The following FETUB variants were observed in gnomAD, a reference collection of about 807,000 sequenced individuals.
The protein encoded by FETUB is fetuin B.
FETUB carries 28 observed loss-of-function variants against 30.9 expected under a neutral mutation model. The ratio of observed to expected loss-of-function variants is 0.90; its 90% CI spans 0.67 to 1.24. FETUB has a LOEUF of 1.24. Among genes scored for constraint, FETUB ranks in the 50% most tolerant of loss-of-function variants. The probability of loss-of-function intolerance (pLI) is 0.00; values close to 1 mark genes in which losing one functional copy is unlikely to be tolerated. For synonymous variants in FETUB, 186 were observed against 175.9 expected (o/e 1.06, Z -0.45); for missense variants, 469 against 455.3 (o/e 1.03, Z -0.27).
At chr3:186,647,200 A>C (rs928348397) in intron 5 of FETUB, 2 of 152,228 alleles carry the variant, frequency 1.3e-5, no homozygotes, top group African/African-American at 4.8e-5. Flanking sequence ...TGCATAATTT[A>C]TTATGCAAAT....
upstream of FETUB, among the ~76,000 whole-genome samples, chr3:186,638,462 C>T (rs1012269599): frequency 3.9e-5 from 6 of 152,112 alleles, no homozygotes; most frequent in Admixed American, 3.3e-4. Context: ...GTGTCACAGG[C>T]CCTCTTACCG....
chr3:186,651,303 T>C lies in FETUB; in HGVS notation c.780+2T>C, dbSNP rs1259962888. ...ACTTGTGACTTCTTTGAATCACAGGTATTTTTCAATCTAATTGCCTGTCTT... is the reference window on the plus strand; with the variant it reads ...ACTTGTGACTTCTTTGAATCACAGGCATTTTTCAATCTAATTGCCTGTCTT... On this transcript the variant is annotated splice_donor_variant, in intron 6 of 6. Coordinates refer to ENST00000265029, the MANE Select transcript of FETUB (RefSeq NM_014375.3). LOFTEE classifies it high-confidence loss of function. 1.3e-6 allele frequency: 2 copies of C among 1,591,510 alleles called. No homozygotes were observed. Among genetic ancestry groups the C allele is most frequent in the African/African-American group, 2.7e-5 (2 of 74,634 alleles).
intron 4 of FETUB, among the ~76,000 whole-genome samples, chr3:186,645,352 C>T (rs7627277): frequency 0.32 from 47,914 of 151,900 alleles, 7,857 homozygotes; most frequent in East Asian, 0.41. Flanking sequence ...ATGTTGATTT[C>T]TTTCCTTCTT....
chr3:186,638,396 G>T (rs904390202), upstream of FETUB, among the ~76,000 whole-genome samples: 2 of 152,208 alleles, frequency 1.3e-5, no homozygotes, highest in African/African-American at 2.4e-5. Context: ...GTATACATAT[G>T]CTGGGAGTGC....
chr3:186,640,772 G>A (rs2108514588), intron 1 of FETUB, 87 bp downstream of exon 1: 2 of 1,126,134 alleles, frequency 1.8e-6, no homozygotes, highest in Non-Finnish European at 2.7e-6. Flanking sequence ...AGACACCCTG[G>A]CAGGTGTTTT....
At chr3:186,643,805 C>T (rs1717266845) in intron 3 of FETUB, among the ~76,000 whole-genome samples, 1 of 152,162 alleles carries the variant, frequency 6.6e-6, no homozygotes, top group African/African-American at 2.4e-5. Flanking sequence ...TGTGTTTGCT[C>T]TGCAAAAGCA....
chr3:186,643,354 G>T (rs80287584), intron 3 of FETUB, among the ~76,000 whole-genome samples: 1 of 152,088 alleles, frequency 6.6e-6, no homozygotes, highest in African/African-American at 2.4e-5. Context: ...TCAAGGGAAG[G>T]TCTTTGGAAA....
chr3:186,650,312 T>C (rs1168665610), intron 5 of FETUB, among the ~76,000 whole-genome samples: 1 of 152,152 alleles, frequency 6.6e-6, no homozygotes, highest in East Asian at 1.9e-4. Context: ...AACATTTTAT[T>C]ATAACATTCT....
At position 186,640,583 on chromosome 3, in the gene FETUB, G is replaced by T; in HGVS notation, c.123G>T (p.Val41=). 6.2e-7 allele frequency: 1 copy of T among 1,613,184 alleles called. No homozygotes were observed. Among genetic ancestry groups the T allele is most frequent in the Middle Eastern group, 1.6e-4 (1 of 6,062 alleles). Reference sequence around the variant, plus strand: ...CCCGGGGCTGCAATGACTCAGATGTGCTGGCAGTTGCAGGCTTTGCCCTGC... The same window carrying T: ...CCCGGGGCTGCAATGACTCAGATGTTCTGGCAGTTGCAGGCTTTGCCCTGC... The part of the protein sequence containing the change: ...LLSRGCNDSD[V]LAVAGFALRD... The change falls in exon 1 of 7, where the codon GTG becomes GTT. Residue 41 remains valine, a synonymous_variant. Coordinates refer to ENST00000265029, the MANE Select transcript of FETUB (RefSeq NM_014375.3).
At position 186,644,674 on chromosome 3, in the gene FETUB, C is replaced by A; in HGVS notation, c.425-77C>A. ...TATTCCAGAGGTAACTTCCTCACCC[C>A]ATCCTTGCCTCTTTACAGTCATATG... On this transcript the variant is annotated intron_variant, in intron 3 of 6. Transcript: ENST00000265029. 2 of 1,167,312 alleles carry A rather than the reference C, an allele frequency of 1.7e-6. 1 individual carries two copies. Among genetic ancestry groups the A allele is most frequent in the South Asian group, 3.0e-5 (2 of 66,016 alleles). 72.3% of individuals were successfully genotyped at this position (1,167,312 alleles called of 1,614,324 possible).
At chr3:186,637,028 G>C (rs1175895675), upstream of FETUB, among the ~76,000 whole-genome samples, 1 of 152,306 alleles carries the variant, frequency 6.6e-6, no homozygotes, top group East Asian at 1.9e-4. Flanking sequence ...AACCCTGGCT[G>C]TAAGACCTCA....
At chr3:186,652,158 C>T (rs77190643) in intron 6 of FETUB, 105 bp from the exon 7 acceptor site, 15,080 of 1,337,676 alleles carry the variant, frequency 0.011, 140 homozygotes, top group Middle Eastern at 0.049. Flanking sequence ...ACCTAGTCTC[C>T]CTTTGAAATG....
upstream of FETUB, chr3:186,636,163 G>T (rs922120304): frequency 6.6e-6 from 1 of 152,406 alleles, no homozygotes; most frequent in African/African-American, 2.4e-5. Flanking sequence ...CCTGGCTCGG[G>T]AGCTGCTTCC....
At chr3:186,646,471 C>G (rs1717555058) in intron 5 of FETUB, 122 bp downstream of exon 5, 17 of 729,690 alleles carry the variant, frequency 2.3e-5, no homozygotes, top group Non-Finnish European at 3.3e-5. Context: ...CCTCAAGGAG[C>G]ATCTGACTAG....
upstream of FETUB, among the ~76,000 whole-genome samples, chr3:186,637,207 CGGGCTTT>C (rs973859111): frequency 2.0e-5 from 3 of 152,110 alleles, no homozygotes; most frequent in African/African-American, 7.2e-5. Context: ...TATATAGTGC[CGGGCTTT>C]GGCAGTGGTT....
upstream of FETUB, chr3:186,636,172 C>G (rs1716767096): frequency 1.3e-5 from 2 of 152,418 alleles, no homozygotes; most frequent in South Asian, 2.1e-4. Context: ...GGAGCTGCTT[C>G]CCTGAGAGGA....
intron 3 of FETUB, among the ~76,000 whole-genome samples, chr3:186,643,636 T>A (rs750756150): frequency 8.5e-5 from 13 of 152,174 alleles, no homozygotes; most frequent in Non-Finnish European, 1.8e-4. Flanking sequence ...TAGTAAACAG[T>A]CTCAGGACTT....
At chr3:186,640,730 C>A in intron 1 of FETUB, 45 bp downstream of exon 1, 1 of 1,490,028 alleles carries the variant, frequency 6.7e-7, no homozygotes, top group Non-Finnish European at 9.4e-7. Flanking sequence ...TGTGGGCAAG[C>A]TGGAGAGACT....
At chr3:186,639,655 TAAAAAAAAA>T (rs5855107), upstream of FETUB, among the ~76,000 whole-genome samples, 32 of 129,496 alleles carry the variant, frequency 2.5e-4, no homozygotes, top group African/African-American at 9.3e-4. Flanking sequence ...AAATAGAAGC[TAAAAAAAAA>T]AAAAAAAAAA....
Sources: gnomAD v4.1 joint callset for allele counts (sites outside exome capture counted in the v4.1 genomes callset) on GRCh38, gnomAD v4.1.1 for gene constraint, MANE v1.5 for transcripts, NCBI Gene and HGNC (gene_info 2026-07-23, HGNC 2026-07-21) for gene names.